Variants in GRIK2 observed in about 807,000 individuals in gnomAD.
GRIK2 encodes the protein glutamate receptor ionotropic, kainate 2.
GRIK2 carries 32 observed loss-of-function variants against 100.3 expected under a neutral mutation model. The ratio of observed to expected loss-of-function variants is 0.32; its 90% CI spans 0.24 to 0.43. The LOEUF is 0.43. GRIK2 is among the 20% of genes least tolerant of loss of function. The pLI, the probability that GRIK2 is intolerant of heterozygous loss-of-function variation, is 1.00. For missense variants in GRIK2, 843 were observed against 1,114.9 expected, an observed-to-expected ratio of 0.76 and a Z score of 3.47; for synonymous variants, 417 against 389.4, an observed-to-expected ratio of 1.07 and a Z score of -0.83.
At chr6:101,573,846 G>A (rs936167398) in intron 2 of GRIK2, among the ~76,000 whole-genome samples, 15 of 152,102 alleles carry the variant, frequency 9.9e-5, no homozygotes, top group African/African-American at 3.6e-4. Context: ...CAACAAAAGT[G>A]GGGGTGTTTT....
At chr6:101,554,149 T>A (rs1000723988) in intron 2 of GRIK2, among the ~76,000 whole-genome samples, 3 of 152,072 alleles carry the variant, frequency 2.0e-5, no homozygotes, top group South Asian at 2.1e-4. Flanking sequence ...AAGTTATGGC[T>A]GAAATTACAA....
chr6:101,973,655 A>T (rs1793193596), intron 14 of GRIK2, among the ~76,000 whole-genome samples: 1 of 151,950 alleles, frequency 6.6e-6, no homozygotes, highest in Admixed American at 6.6e-5. Context: ...ATAATTTTAA[A>T]GGATCAGGAA....
intron 11 of GRIK2, among the ~76,000 whole-genome samples, chr6:101,888,452 ATATTT>A (rs1174436853): frequency 1.1e-4 from 16 of 152,294 alleles, no homozygotes; most frequent in African/African-American, 3.8e-4. Context: ...TTTTAAATTG[ATATTT>A]TATTTGATTT....
rs543294752 is a variant in GRIK2 at position 101,629,672 on chromosome 6, CTT to C, written c.541+3039_541+3040del. Reference sequence around the variant, plus strand: ...AATGTATTTATAAATATATAGTAGACTTTTTGTCTTTTTGTTTATGTGTCAAA... The same window carrying C: ...AATGTATTTATAAATATATAGTAGACTTTGTCTTTTTGTTTATGTGTCAAA... On this transcript the variant is annotated intron_variant, in intron 4 of 16. Coordinates refer to ENST00000369134, the MANE Select transcript of GRIK2 (RefSeq NM_021956.5). Among the ~76,000 whole-genome samples, 37 of 152,066 alleles carry C rather than the reference CTT, an allele frequency of 2.4e-4. No homozygotes were observed. The South Asian group carries it at 7.7e-3, about 32-fold the overall frequency.
chr6:101,767,948 A>G (rs1470576659), intron 7 of GRIK2, among the ~76,000 whole-genome samples: 1 of 152,024 alleles, frequency 6.6e-6, no homozygotes, highest in Non-Finnish European at 1.5e-5. Context: ...AACTTGTACC[A>G]CACAGGCTCA....
At chr6:101,611,400 G>A (rs781048415) in intron 2 of GRIK2, among the ~76,000 whole-genome samples, 23 of 151,732 alleles carry the variant, frequency 1.5e-4, no homozygotes, top group Non-Finnish European at 3.2e-4. Context: ...GACCTTTAAC[G>A]TCTTCTCTAG....
chr6:101,427,248 C>A (rs1769078192), intron 2 of GRIK2, among the ~76,000 whole-genome samples: 1 of 152,222 alleles, frequency 6.6e-6, no homozygotes, highest in Non-Finnish European at 1.5e-5. Flanking sequence ...CCGCTCCTCC[C>A]ACTCATTGAA....
At chr6:101,830,597 A>G (rs1782614458) in intron 10 of GRIK2, among the ~76,000 whole-genome samples, 1 of 152,078 alleles carries the variant, frequency 6.6e-6, no homozygotes, top group South Asian at 2.1e-4. Context: ...GAAGCCAACA[A>G]GCATATGAAC....
intron 2 of GRIK2, among the ~76,000 whole-genome samples, chr6:101,487,900 T>G (rs1772911775): frequency 6.8e-6 from 1 of 146,226 alleles, no homozygotes; most frequent in Non-Finnish European, 1.5e-5. Flanking sequence ...TGAGTAAATG[T>G]TATTTTATTT....
chr6:101,869,513 G>A (rs1785253798), intron 11 of GRIK2, among the ~76,000 whole-genome samples: 2 of 151,756 alleles, frequency 1.3e-5, no homozygotes, highest in South Asian at 4.1e-4. Flanking sequence ...CACTGAACTG[G>A]AGTTTATTTT....
intron 14 of GRIK2, among the ~76,000 whole-genome samples, chr6:102,012,448 C>A (rs1482160695): frequency 6.6e-6 from 1 of 152,082 alleles, no homozygotes; most frequent in Non-Finnish European, 1.5e-5. Context: ...AAACTGACAC[C>A]TTCACAATAT....
chr6:101,455,357 T>A (rs922921471), intron 2 of GRIK2, among the ~76,000 whole-genome samples: 2 of 152,164 alleles, frequency 1.3e-5, no homozygotes, highest in Non-Finnish European at 2.9e-5. Context: ...AAAACAATGC[T>A]TCTTAAGTGA....
chr6:101,770,760 C>T (rs1185574059), intron 7 of GRIK2, among the ~76,000 whole-genome samples: 1 of 152,106 alleles, frequency 6.6e-6, no homozygotes, highest in Admixed American at 6.5e-5. Context: ...ATTCCTGAAC[C>T]TGCATAGTCA....
At chr6:101,711,344 TAA>T (rs1773681597) in intron 7 of GRIK2, among the ~76,000 whole-genome samples, 1 of 151,798 alleles carries the variant, frequency 6.6e-6, no homozygotes, top group Non-Finnish European at 1.5e-5. Flanking sequence ...AAAAATATTC[TAA>T]GTTTACTCTT....
chr6:102,022,143 TACACACACACACAC>T (rs3995831), intron 14 of GRIK2, among the ~76,000 whole-genome samples: 2 of 133,156 alleles, frequency 1.5e-5, no homozygotes, highest in African/African-American at 5.1e-5. Flanking sequence ...AACACACACA[TACACACACACACAC>T]ACACACACAA....
intron 15 of GRIK2, among the ~76,000 whole-genome samples, chr6:102,050,967 G>T (rs1012730996): frequency 6.6e-6 from 1 of 152,012 alleles, no homozygotes; most frequent in Non-Finnish European, 1.5e-5. Context: ...TCTATGTCTT[G>T]GGAGAGATTC....
chr6:101,590,451 G>A (rs1778588996), intron 2 of GRIK2, among the ~76,000 whole-genome samples: 1 of 152,002 alleles, frequency 6.6e-6, no homozygotes, highest in South Asian at 2.1e-4. Context: ...TTGGCCTTTA[G>A]TGTGTTCTCC....
intron 7 of GRIK2, among the ~76,000 whole-genome samples, chr6:101,785,600 G>A (rs1395282264): frequency 6.6e-6 from 1 of 151,742 alleles, no homozygotes; most frequent in Non-Finnish European, 1.5e-5. Flanking sequence ...TATATTCTTG[G>A]CTCCTTTTCA....
chr6:101,699,497 C>T (rs1772732498), intron 7 of GRIK2, among the ~76,000 whole-genome samples: 1 of 152,124 alleles, frequency 6.6e-6, no homozygotes, highest in African/African-American at 2.4e-5. Context: ...GCCTTGTCTA[C>T]ACTGTACTTA....
Sources: allele counts gnomAD v4.1 joint callset (sites outside exome capture counted in the v4.1 genomes callset), GRCh38; gene constraint gnomAD v4.1.1; transcripts MANE v1.5; gene names NCBI Gene and HGNC (gene_info 2026-07-23, HGNC 2026-07-21).